The following TMEM63B variants were observed in gnomAD, a reference collection of about 807,000 sequenced individuals.
The protein encoded by TMEM63B is mechanosensitive cation channel TMEM63B.
TMEM63B carries 23 observed loss-of-function variants against 102.6 expected under a neutral mutation model. The observed-to-expected ratio is 0.22, with a 90% CI of 0.16 to 0.32. The LOEUF (loss-of-function observed/expected upper bound fraction) is 0.32, where lower values mean the gene tolerates loss of function less well. Ranked by LOEUF, TMEM63B falls within the 10% of genes least tolerant of loss-of-function variation. The probability of loss-of-function intolerance (pLI) is 1.00; values close to 1 mark genes in which losing one functional copy is unlikely to be tolerated. For synonymous variants in TMEM63B, 444 were observed against 437.0 expected (o/e 1.02, Z -0.20); for missense variants, 628 against 1,095.9 (o/e 0.57, Z 6.03).
chr6:44,141,615 G>A (rs1764276592), intron 10 of TMEM63B, among the ~76,000 whole-genome samples: 1 of 152,312 alleles, frequency 6.6e-6, no homozygotes, highest in East Asian at 1.9e-4. Flanking sequence ...ATGAGGCAAA[G>A]AGGGAACTTA....
At chr6:44,137,388 G>T (rs184026362) in intron 5 of TMEM63B, among the ~76,000 whole-genome samples, 2 of 152,296 alleles carry the variant, frequency 1.3e-5, no homozygotes, top group Admixed American at 1.3e-4. Flanking sequence ...CCTAGGGGTG[G>T]CAGCTCTTCC....
chr6:44,139,340 A>G (rs2128236278), intron 6 of TMEM63B, 127 bp from the exon 7 acceptor site: 3 of 1,181,154 alleles, frequency 2.5e-6, no homozygotes, highest in East Asian at 2.4e-5. Flanking sequence ...TTTCAGCCCT[A>G]TACTACTGCC....
chr6:44,136,145 C>T (rs141695503), intron 4 of TMEM63B, among the ~76,000 whole-genome samples: 2,371 of 152,286 alleles, frequency 0.016, 27 homozygotes, highest in Middle Eastern at 0.058. Context: ...TGCCCACCTC[C>T]GCTCCCACCC....
intron 10 of TMEM63B, among the ~76,000 whole-genome samples, chr6:44,146,223 C>T (rs1396446389): frequency 1.3e-5 from 2 of 152,058 alleles, no homozygotes; most frequent in African/African-American, 2.4e-5. Flanking sequence ...ACCTAAAGGT[C>T]ACAGCCCTGG....
At position 44,150,086 on chromosome 6, in the gene TMEM63B, G is replaced by T; in HGVS notation, c.1520+121G>T. The T allele has an allele frequency of 7.6e-7, 1 of 1,312,870 alleles. No homozygotes were observed. The highest frequency in any genetic ancestry group is 2.5e-5 in the East Asian group (1 of 40,378). 81.3% of individuals were successfully genotyped at this position (1,312,870 alleles called of 1,614,324 possible). On this transcript the variant is annotated intron_variant, in intron 16 of 23. Transcript: ENST00000323267. This position sits in a 1 kb window ranked among gnomAD's most constrained non-coding sequence, Gnocchi z 4.7. ...GGGCAGTCCCACAGCTGGTAGGGAA[G>T]GGGTAGTGCCCAGCACCCTCACCTT...
chr6:44,153,621 A>G (rs899184494), intron 20 of TMEM63B, 55 bp from the exon 21 acceptor site: 23 of 1,576,918 alleles, frequency 1.5e-5, no homozygotes, highest in Admixed American at 3.4e-5. Flanking sequence ...TGACAGACAC[A>G]CAAAAGGTTC....
chr6:44,135,893 G>A (rs1762839433), intron 4 of TMEM63B, among the ~76,000 whole-genome samples: 1 of 152,148 alleles, frequency 6.6e-6, no homozygotes, highest in African/African-American at 2.4e-5. Flanking sequence ...AAGAGGGAGG[G>A]GAGCGGAGGG....
At chr6:44,137,705 T>TA (rs59408676) in intron 5 of TMEM63B, among the ~76,000 whole-genome samples, 47 of 150,268 alleles carry the variant, frequency 3.1e-4, no homozygotes, top group African/African-American at 8.1e-4. Context: ...TTTTTTTTTT[T>TA]AATTTTTCCC....
Position 44,138,520 on chromosome 6 carries a change from A to G in TMEM63B, c.407+3A>G, listed in dbSNP as rs769222545. 1.9e-6 allele frequency: 3 copies of G among 1,614,038 alleles called. No individual in the cohort carries two copies. The highest frequency in any genetic ancestry group is 1.1e-5 in the South Asian group (1 of 91,080). ...CTGACAGCCATCTTCAGGATAAAGT[A>G]AGTGGACCATCTTCAAGCTCTAAAG... is the stretch of plus-strand genomic sequence containing the variant. On this transcript the variant is annotated splice_donor_region_variant and intron_variant, in intron 6 of 23. Coordinates refer to ENST00000323267, the MANE Select transcript of TMEM63B (RefSeq NM_018426.3).
chr6:44,146,502 G>T (rs1765441776), intron 10 of TMEM63B, among the ~76,000 whole-genome samples: 1 of 143,860 alleles, frequency 7.0e-6, no homozygotes, highest in African/African-American at 2.5e-5. Flanking sequence ...CCAGTCTGGA[G>T]TGCAGTGGCG....
In TMEM63B at chr6:44,154,085, C is replaced by G; in HGVS notation, c.2123C>G (p.Pro708Arg). Residue 708 changes from proline to arginine, a missense_variant, in exon 22 of 24, where the codon CCC becomes CGC. Coordinates refer to ENST00000323267, the MANE Select transcript of TMEM63B (RefSeq NM_018426.3). Reference protein sequence around the residue: ...FSTMRTGFLAPTSMFTFVVLV... With the variant: ...FSTMRTGFLARTSMFTFVVLV... ...CCCCCAACACCAGGGTTCCTAGCTC[C>G]CACGTCTATGTTCACATTTGTGGTC... 6.2e-7 allele frequency: 1 copy of G among 1,614,104 alleles called. No homozygotes were observed. The highest frequency in any genetic ancestry group is 8.5e-7 in the Non-Finnish European group (1 of 1,179,980).
At chr6:44,143,914 C>A (rs1157017592) in intron 10 of TMEM63B, among the ~76,000 whole-genome samples, 2 of 152,148 alleles carry the variant, frequency 1.3e-5, no homozygotes, top group Admixed American at 1.3e-4. Flanking sequence ...TCATTCAGCC[C>A]ACATTTATTG....
intron 1 of TMEM63B, among the ~76,000 whole-genome samples, chr6:44,133,838 G>A (rs1762409161): frequency 6.6e-6 from 1 of 152,358 alleles, no homozygotes; most frequent in South Asian, 2.1e-4. Flanking sequence ...TGGCACTCTG[G>A]GAGTTGTAGT....
In TMEM63B at chr6:44,150,112, G is replaced by A; in HGVS notation, c.1521-112G>A. 1 of 1,339,648 alleles carries A rather than the reference G, an allele frequency of 7.5e-7. No individual in the cohort carries two copies. The highest frequency in any genetic ancestry group is 1.0e-6 in the Non-Finnish European group (1 of 955,964). 83.0% of individuals were successfully genotyped at this position (1,339,648 alleles called of 1,614,324 possible). ...GGGTAGTGCCCAGCACCCTCACCTT[G>A]GGAGGCCCACCCTTCCCAGGGGACA... On this transcript the variant is annotated intron_variant, in intron 16 of 23. Transcript: ENST00000323267. This position sits in a 1 kb window ranked among gnomAD's most constrained non-coding sequence, Gnocchi z 4.7.
chr6:44,146,449 G>GTTTTTTTT (rs1241550126), intron 10 of TMEM63B, among the ~76,000 whole-genome samples: 2 of 150,182 alleles, frequency 1.3e-5, no homozygotes, highest in South Asian at 2.1e-4. Context: ...GGAGATGTGG[G>GTTTTTTTT]TTTTTTTGTC....
chr6:44,148,616 G>A lies in TMEM63B; in HGVS notation c.1225G>A (p.Val409Met), dbSNP rs1045696627. The A allele has an allele frequency of 2.5e-6, 4 of 1,614,082 alleles. No individual in the cohort carries two copies. The highest frequency in any genetic ancestry group is 3.4e-6 in the Non-Finnish European group (4 of 1,180,024). ...SESLHISNWT[V>M]SYAPDPQNIY... ...GTCCCTGCACATCTCCAACTGGACCGTGTCCTATGCCCCTGACCCTCAGAA... is the reference window on the plus strand; with the variant it reads ...GTCCCTGCACATCTCCAACTGGACCATGTCCTATGCCCCTGACCCTCAGAA... Residue 409 changes from valine (V) to methionine (M), a missense_variant, in exon 14 of 24, where the codon GTG (valine) becomes ATG (methionine). Around this residue, in one of 6 missense-constraint regions of TMEM63B, gnomAD observed 336 missense variants for 580.3 expected, o/e 0.58. Coordinates refer to ENST00000323267, the MANE Select transcript of TMEM63B (RefSeq NM_018426.3). This position sits in a 1 kb window ranked among gnomAD's most constrained non-coding sequence, Gnocchi z 5.1.
intron 1 of TMEM63B, among the ~76,000 whole-genome samples, chr6:44,129,365 CAAAAA>C (rs11331641): frequency 9.7e-6 from 1 of 103,150 alleles, no homozygotes; most frequent in Non-Finnish European, 2.0e-5. Flanking sequence ...AAGACTGTCT[CAAAAA>C]AAAAAAAAAA....
At position 44,148,114 on chromosome 6, in the gene TMEM63B, C is replaced by A; in HGVS notation, c.988-138C>A. The A allele has an allele frequency of 1.5e-6, 2 of 1,297,622 alleles. No individual in the cohort carries two copies. Among genetic ancestry groups the A allele is most frequent in the South Asian group, 1.5e-5 (1 of 68,570 alleles). 80.4% of individuals were successfully genotyped at this position (1,297,622 alleles called of 1,614,324 possible). On this transcript the variant is annotated intron_variant, in intron 12 of 23. Transcript: ENST00000323267. The surrounding 1 kb of genome is among the most constrained non-coding windows in gnomAD (Gnocchi z 5.1). ...CTCCAGCCTGGGCATCAGAGCGAGACGCTGTTTCCAAAAAAAAAAAAATGC... is the reference window on the plus strand; with the variant it reads ...CTCCAGCCTGGGCATCAGAGCGAGAAGCTGTTTCCAAAAAAAAAAAAATGC...
chr6:44,138,879 CAG>C (rs1763629389), intron 6 of TMEM63B: 1 of 312,230 alleles, frequency 3.2e-6, no homozygotes, highest in Non-Finnish European at 6.2e-6. Context: ...GAGATCCAGC[CAG>C]AGTCCAGCAG....
Sources: allele counts gnomAD v4.1 joint callset (sites outside exome capture counted in the v4.1 genomes callset), GRCh38; gene constraint gnomAD v4.1.1; regional missense constraint gnomAD v4.1.1; non-coding constraint Gnocchi (gnomAD v3.1); transcripts MANE v1.5; gene names NCBI Gene and HGNC (gene_info 2026-07-23, HGNC 2026-07-21).